Variants in GAB2 observed in about 807,000 individuals in gnomAD.
The protein encoded by GAB2 is GRB2 associated binding protein 2, also known as GRB2-associated-binding protein 2.
In GAB2, 26 loss-of-function variants were observed where a neutral mutation model predicts 65.5. That is an observed-to-expected ratio of 0.40 (90% CI 0.29 to 0.55). GAB2 has a LOEUF of 0.55. Ranked by LOEUF, GAB2 falls within the 20% of genes least tolerant of loss-of-function variation. The probability of loss-of-function intolerance (pLI) is 0.53; values close to 1 mark genes in which losing one functional copy is unlikely to be tolerated. For missense variants in GAB2, 884 were observed against 875.8 expected (o/e 1.01, Z -0.12); for synonymous variants, 321 against 329.6 (o/e 0.97, Z 0.28).
chr11:78,360,290 C>T (rs866745519), intron 1 of GAB2, among the ~76,000 whole-genome samples: 24 of 151,948 alleles, frequency 1.6e-4, no homozygotes, highest in Admixed American at 2.6e-4. Context: ...TACTAAGGGC[C>T]TGGCATGATA....
chr11:78,364,985 A>C (rs1591067110), intron 1 of GAB2, among the ~76,000 whole-genome samples: 1 of 151,870 alleles, frequency 6.6e-6, no homozygotes, highest in Non-Finnish European at 1.5e-5. Context: ...GGCTGCAGTC[A>C]TTTTTTTTAT....
At chr11:78,328,267 G>C (rs1855858794) in intron 1 of GAB2, among the ~76,000 whole-genome samples, 1 of 152,174 alleles carries the variant, frequency 6.6e-6, no homozygotes, top group Non-Finnish European at 1.5e-5. Flanking sequence ...GCATTTACTG[G>C]TAGCATTGCA....
At chr11:78,366,780 A>G (rs1232957400) in intron 1 of GAB2, among the ~76,000 whole-genome samples, 1 of 149,018 alleles carries the variant, frequency 6.7e-6, no homozygotes, top group Non-Finnish European at 1.5e-5. Context: ...TGGCGAATAG[A>G]ATGTAATTGG....
chr11:78,389,145 G>A (rs1239386471), intron 1 of GAB2, among the ~76,000 whole-genome samples: 2 of 152,168 alleles, frequency 1.3e-5, no homozygotes, highest in Non-Finnish European at 2.9e-5. Flanking sequence ...TTTCTTGGCA[G>A]AATGTATTAA....
chr11:78,399,926 C>A (rs548780193), intron 1 of GAB2, among the ~76,000 whole-genome samples: 36 of 152,218 alleles, frequency 2.4e-4, no homozygotes, highest in Admixed American at 4.6e-4. Context: ...TGCTTAATGA[C>A]CCTAAGGCCT....
chr11:78,250,728 A>G (rs1353716780), intron 2 of GAB2, among the ~76,000 whole-genome samples: 1 of 152,116 alleles, frequency 6.6e-6, no homozygotes, highest in African/African-American at 2.4e-5. Flanking sequence ...CCTCTAGAGT[A>G]ATGAGTACGA....
At chr11:78,393,883 C>T (rs182319055) in intron 1 of GAB2, among the ~76,000 whole-genome samples, 29 of 152,248 alleles carry the variant, frequency 1.9e-4, no homozygotes, top group Non-Finnish European at 3.5e-4. Flanking sequence ...TTCAGTTGCC[C>T]CACAATTGGT....
chr11:78,331,078 G>C (rs1855905446), intron 1 of GAB2, among the ~76,000 whole-genome samples: 1 of 152,000 alleles, frequency 6.6e-6, no homozygotes, highest in Non-Finnish European at 1.5e-5. Context: ...GGGAGGCTGA[G>C]GCGGGACAAT....
intron 3 of GAB2, among the ~76,000 whole-genome samples, chr11:78,241,497 A>G (rs1271320525): frequency 6.6e-6 from 1 of 152,202 alleles, no homozygotes; most frequent in Non-Finnish European, 1.5e-5. Flanking sequence ...ACAGAAAGGG[A>G]ATTCAAAATA....
At chr11:78,246,451 G>A (rs1356434166) in intron 3 of GAB2, among the ~76,000 whole-genome samples, 1 of 152,130 alleles carries the variant, frequency 6.6e-6, no homozygotes, top group Non-Finnish European at 1.5e-5. Flanking sequence ...TGAACATGAT[G>A]TTGTGTAGAT....
chr11:78,402,179 G>C (rs1856981645), intron 1 of GAB2, among the ~76,000 whole-genome samples: 1 of 152,022 alleles, frequency 6.6e-6, no homozygotes, highest in Non-Finnish European at 1.5e-5. Flanking sequence ...TAGTGTCCTT[G>C]CACACACTGT....
chr11:78,231,241 C>G (rs1446741970), intron 3 of GAB2, among the ~76,000 whole-genome samples: 1 of 152,146 alleles, frequency 6.6e-6, no homozygotes, highest in East Asian at 1.9e-4. Context: ...TGCCAAGTGC[C>G]TTCCCTTTCC....
chr11:78,242,127 G>A (rs538787628), intron 3 of GAB2, among the ~76,000 whole-genome samples: 2 of 151,058 alleles, frequency 1.3e-5, no homozygotes, highest in East Asian at 3.9e-4. Context: ...AGTAACAAGA[G>A]GAAATTTCAA....
intron 1 of GAB2, among the ~76,000 whole-genome samples, chr11:78,371,964 A>C (rs1202233795): frequency 6.6e-6 from 1 of 152,178 alleles, no homozygotes; most frequent in African/African-American, 2.4e-5. Context: ...AATCAAAATC[A>C]TACTATATTT....
chr11:78,272,286 G>A (rs1866035939), intron 2 of GAB2, among the ~76,000 whole-genome samples: 1 of 152,154 alleles, frequency 6.6e-6, no homozygotes, highest in Non-Finnish European at 1.5e-5. Flanking sequence ...GAAGAAGACA[G>A]GAAAATGTGG....
Position 78,287,649 on chromosome 11 carries a change from A to ATTTTT in GAB2, c.76-6753_76-6749dup, listed in dbSNP as rs368184721. On this transcript the variant is annotated intron_variant, in intron 1 of 9. Coordinates refer to ENST00000361507, the MANE Select transcript of GAB2 (RefSeq NM_080491.3). ...TAAGGCAAGGACATTTGCTCTTATC[A>ATTTTT]TTTTTTTTTTTTTTTTTGAGACAGA... is the stretch of plus-strand genomic sequence containing the variant. Among the ~76,000 whole-genome samples the ATTTTT allele has an allele frequency of 8.4e-4, 115 of 136,754 alleles. 1 individual carries two copies. The highest frequency in any genetic ancestry group is 7.7e-3 in the Middle Eastern group (2 of 260). The allele number at this position is 136,754 out of a possible 152,430, so 89.7% of individuals were successfully genotyped here.
In GAB2 at chr11:78,230,956, C is replaced by A. The variant is rs538177941; in HGVS notation, c.621-3905G>T. Among the ~76,000 whole-genome samples, 6 of 152,298 alleles carry A rather than the reference C, an allele frequency of 3.9e-5. No homozygotes were observed. In the East Asian group the frequency reaches 1.2e-3, roughly 29 times the overall value. The stretch of plus-strand genomic sequence containing the variant: ...TGCTTTTGTGGGATGGATAATCCAC[C>A]TGGAAGTGGTGGATTTGGAGAGAGG... On this transcript the variant is annotated intron_variant, in intron 3 of 9. Coordinates refer to ENST00000361507, the MANE Select transcript of GAB2 (RefSeq NM_080491.3).
intron 1 of GAB2, among the ~76,000 whole-genome samples, chr11:78,332,250 C>T (rs934006203): frequency 1.6e-4 from 25 of 152,148 alleles, no homozygotes; most frequent in Non-Finnish European, 1.6e-4. Flanking sequence ...ACTAAAAATA[C>T]ACAGGCTATT....
At chr11:78,302,477 A>G (rs1040598317) in intron 1 of GAB2, among the ~76,000 whole-genome samples, 12 of 152,168 alleles carry the variant, frequency 7.9e-5, no homozygotes. Context: ...CAAAACCACA[A>G]AGCGATACCA....
Sources: gnomAD v4.1 joint callset for allele counts (sites outside exome capture counted in the v4.1 genomes callset) on GRCh38, gnomAD v4.1.1 for gene constraint, MANE v1.5 for transcripts, NCBI Gene and HGNC (gene_info 2026-07-23, HGNC 2026-07-21) for gene names.